Variants in CHRM2 observed in about 807,000 individuals in gnomAD.
The protein encoded by CHRM2 is cholinergic receptor muscarinic 2.
Under a neutral mutation model 25.0 loss-of-function variants are expected in CHRM2, and 8 were observed. That is an observed-to-expected ratio of 0.32 (90% CI 0.19 to 0.58). CHRM2 has a LOEUF of 0.58. Among genes scored for constraint, CHRM2 ranks in the 20% least tolerant of loss-of-function variants. The pLI is 0.88. For synonymous variants in CHRM2, 202 were observed against 205.7 expected (o/e 0.98, Z 0.15); for missense variants, 440 against 567.1 (o/e 0.78, Z 2.28).
intron 2 of CHRM2, among the ~76,000 whole-genome samples, chr7:136,970,067 T>A (rs1220947440): frequency 6.6e-6 from 1 of 152,118 alleles, no homozygotes; most frequent in African/African-American, 2.4e-5. Context: ...TCATGAAGCT[T>A]CCCTCTCATG....
At chr7:136,965,562 A>AT in intron 2 of CHRM2, among the ~76,000 whole-genome samples, 1 of 152,224 alleles carries the variant, frequency 6.6e-6, no homozygotes, top group South Asian at 2.1e-4. Flanking sequence ...ACTCTAAAAG[A>AT]GAAAATAACT....
intron 2 of CHRM2, among the ~76,000 whole-genome samples, chr7:136,933,655 G>C (rs1037350590): frequency 6.6e-6 from 1 of 152,046 alleles, no homozygotes; most frequent in Non-Finnish European, 1.5e-5. Flanking sequence ...TAATCAAAAA[G>C]TGGAAATAAC....
At chr7:136,993,046 C>A (rs912991575) in intron 3 of CHRM2, among the ~76,000 whole-genome samples, 1 of 152,136 alleles carries the variant, frequency 6.6e-6, no homozygotes, top group Admixed American at 6.6e-5. Flanking sequence ...GATTAAATAA[C>A]TAGGAACTAT....
rs1805226956 is a variant in CHRM2, at chr7:137,016,968, C to A, written c.*702C>A. 6.0e-6 allele frequency: 1 copy of A among 166,166 alleles called. No homozygotes were observed. Among genetic ancestry groups the A allele is most frequent in the Non-Finnish European group, 1.5e-5 (1 of 68,008 alleles). 10.3% of individuals were successfully genotyped at this position (166,166 alleles called of 1,614,324 possible). A position where few individuals can be genotyped will look rare whatever the true frequency, so the allele number is the denominator to read the frequency against. On this transcript the variant is annotated 3_prime_UTR_variant, in exon 4 of 4. Coordinates refer to ENST00000680005, the MANE Select transcript of CHRM2 (RefSeq NM_001006630.2). ...CTATATTGTTTATAGGGAAAACCTACAGGACTTTCACTAAAGCTAGCCAGA... is the reference window on the plus strand; with the variant it reads ...CTATATTGTTTATAGGGAAAACCTAAAGGACTTTCACTAAAGCTAGCCAGA...
chr7:136,930,251 G>T (rs1798983987), intron 2 of CHRM2, among the ~76,000 whole-genome samples: 1 of 151,874 alleles, frequency 6.6e-6, no homozygotes, highest in South Asian at 2.1e-4. Context: ...TGGCCTACAT[G>T]GCAAAACCTC....
intron 2 of CHRM2, among the ~76,000 whole-genome samples, chr7:136,983,836 T>A (rs958127738): frequency 6.6e-6 from 1 of 152,156 alleles, no homozygotes; most frequent in African/African-American, 2.4e-5. Context: ...TCCTGCCAGA[T>A]GCCAGTCAGA....
At chr7:136,998,754 G>A (rs955273793) in intron 3 of CHRM2, among the ~76,000 whole-genome samples, 2 of 152,134 alleles carry the variant, frequency 1.3e-5, no homozygotes, top group African/African-American at 4.8e-5. Context: ...TGTGTCTACT[G>A]TCAATTTGCT....
At chr7:136,908,058 G>A (rs1418590274) in intron 2 of CHRM2, 3 of 151,804 alleles carry the variant, frequency 2.0e-5, no homozygotes, top group Non-Finnish European at 1.5e-5. Flanking sequence ...ATGGGAAGTG[G>A]AAAAAAGAGC....
chr7:137,010,989 T>G (rs1280667015), intron 3 of CHRM2, among the ~76,000 whole-genome samples: 6 of 152,010 alleles, frequency 3.9e-5, no homozygotes, highest in Non-Finnish European at 1.5e-5. Flanking sequence ...GCTTTGTGAT[T>G]GTGATCAAGA....
chr7:136,896,619 C>T (rs544564152), intron 2 of CHRM2, among the ~76,000 whole-genome samples: 2 of 152,002 alleles, frequency 1.3e-5, no homozygotes, highest in Admixed American at 6.6e-5. Flanking sequence ...CAGAGTGAGT[C>T]TAACTAAAAA....
intron 2 of CHRM2, among the ~76,000 whole-genome samples, chr7:136,909,887 G>A (rs555661778): frequency 3.3e-5 from 5 of 151,894 alleles, no homozygotes; most frequent in South Asian, 4.1e-4. Flanking sequence ...AAATCATCTC[G>A]TACTAGTTCA....
chr7:136,992,941 T>A (rs911320554), intron 3 of CHRM2, among the ~76,000 whole-genome samples: 1 of 152,218 alleles, frequency 6.6e-6, no homozygotes, highest in African/African-American at 2.4e-5. Flanking sequence ...AGGCCCTGCA[T>A]TATTAAGAAA....
At chr7:137,012,599 G>A (rs1219244510) in intron 3 of CHRM2, among the ~76,000 whole-genome samples, 1 of 151,856 alleles carries the variant, frequency 6.6e-6, no homozygotes, top group Non-Finnish European at 1.5e-5. Flanking sequence ...GCAATGCCAG[G>A]ACACAAATAT....
intron 3 of CHRM2, among the ~76,000 whole-genome samples, chr7:137,010,562 T>G (rs1804735642): frequency 6.6e-6 from 1 of 152,052 alleles, no homozygotes; most frequent in African/African-American, 2.4e-5. Flanking sequence ...GGAAACTGCT[T>G]TCTTCAGCGG....
intron 2 of CHRM2, among the ~76,000 whole-genome samples, chr7:136,987,353 T>G (rs962141584): frequency 1.3e-5 from 2 of 152,188 alleles, no homozygotes; most frequent in Non-Finnish European, 2.9e-5. Flanking sequence ...CTTCTCCACA[T>G]GTGGGGACTG....
chr7:136,987,445 A>G (rs1382052572), intron 2 of CHRM2, among the ~76,000 whole-genome samples: 2 of 152,264 alleles, frequency 1.3e-5, no homozygotes, highest in African/African-American at 2.4e-5. Context: ...TCAGAGGTCA[A>G]AAGACAGATC....
At chr7:136,882,703 G>C (rs560286037) in intron 2 of CHRM2, among the ~76,000 whole-genome samples, 1 of 151,828 alleles carries the variant, frequency 6.6e-6, no homozygotes, top group Non-Finnish European at 1.5e-5. Context: ...TTCCACTTTC[G>C]AAACCAATAT....
chr7:136,980,926 G>T, intron 2 of CHRM2, among the ~76,000 whole-genome samples: 1 of 152,184 alleles, frequency 6.6e-6, no homozygotes, highest in East Asian at 1.9e-4. Context: ...GTCTCTGCCA[G>T]CTTTTGGTAT....
chr7:136,962,471 A>AG (rs1224917849), intron 2 of CHRM2, among the ~76,000 whole-genome samples: 1 of 152,102 alleles, frequency 6.6e-6, no homozygotes, highest in Non-Finnish European at 1.5e-5. Context: ...AGGATAGTAG[A>AG]GGGTGAGTGG....
Sources: allele counts gnomAD v4.1 joint callset (sites outside exome capture counted in the v4.1 genomes callset), GRCh38; gene constraint gnomAD v4.1.1; transcripts MANE v1.5; gene names NCBI Gene and HGNC (gene_info 2026-07-23, HGNC 2026-07-21).